The following ATG10 variants were observed in gnomAD, a reference collection of about 807,000 sequenced individuals.
ATG10 encodes the protein autophagy related 10.
Under a neutral mutation model 32.1 loss-of-function variants are expected in ATG10, and 30 were observed. That is an observed-to-expected ratio of 0.94 (90% CI 0.70 to 1.27). The LOEUF (loss-of-function observed/expected upper bound fraction) is 1.27. Ranked by LOEUF, ATG10 falls within the 50% of genes most tolerant of loss-of-function variation. The probability of loss-of-function intolerance (pLI) is 0.00; values close to 1 mark genes in which losing one functional copy is unlikely to be tolerated. For synonymous variants in ATG10, 87 were observed against 91.5 expected (o/e 0.95, Z 0.28); for missense variants, 233 against 262.3 (o/e 0.89, Z 0.77).
rs143386853 is a variant in ATG10 at position 81,995,156 on chromosome 5, A to C, written c.108+7478A>C. Among the ~76,000 whole-genome samples, 561 of 152,154 alleles carry C rather than the reference A, an allele frequency of 3.7e-3. 3 individuals are homozygous for C. Among genetic ancestry groups the C allele is most frequent in the African/African-American group, 0.013 (530 of 41,508 alleles). ...TGTGTGTGTGTGTGTTTTGAGACAG[A>C]GTCTCACTCTGTCACCTAGGCTGGA... On this transcript the variant is annotated intron_variant, in intron 2 of 7. Transcript: ENST00000282185.
intron 2 of ATG10, among the ~76,000 whole-genome samples, chr5:82,036,626 T>C (rs754780883): frequency 1.3e-5 from 2 of 152,178 alleles, no homozygotes; most frequent in Non-Finnish European, 2.9e-5. Context: ...AAATGCACTT[T>C]AGTTGATTTT....
At chr5:82,205,019 G>C (rs1338427943) in intron 5 of ATG10, among the ~76,000 whole-genome samples, 1 of 152,228 alleles carries the variant, frequency 6.6e-6, no homozygotes, top group African/African-American at 2.4e-5. Flanking sequence ...ACAGAAGACT[G>C]CCTGTGAAAG....
chr5:82,031,988 AGGGCT>A (rs1762754903), intron 2 of ATG10, among the ~76,000 whole-genome samples: 1 of 152,236 alleles, frequency 6.6e-6, no homozygotes, highest in African/African-American at 2.4e-5. Context: ...CTACGCTGGC[AGGGCT>A]GGGCCTGCCC....
intron 2 of ATG10, among the ~76,000 whole-genome samples, chr5:82,054,632 T>G (rs1181028694): frequency 1.3e-5 from 2 of 152,206 alleles, no homozygotes; most frequent in Admixed American, 6.5e-5. Flanking sequence ...TAGAAGTGCT[T>G]TAGTCCTTCA....
intron 3 of ATG10, among the ~76,000 whole-genome samples, chr5:82,152,211 T>G (rs1314565165): frequency 6.6e-6 from 1 of 152,246 alleles, no homozygotes; most frequent in African/African-American, 2.4e-5. Flanking sequence ...TGGTGCAGAT[T>G]AGGACAGGGT....
chr5:81,978,939 G>T (rs1453375451), intron 1 of ATG10, among the ~76,000 whole-genome samples: 1 of 151,760 alleles, frequency 6.6e-6, no homozygotes, highest in Admixed American at 6.6e-5. Flanking sequence ...TCGCTTTGTC[G>T]CCCAGGCTGG....
At chr5:82,068,983 C>T (rs939426096) in intron 3 of ATG10, among the ~76,000 whole-genome samples, 4 of 150,282 alleles carry the variant, frequency 2.7e-5, no homozygotes, top group Non-Finnish European at 5.9e-5. Context: ...TTACTTAGAA[C>T]ATATTACAGT....
intron 3 of ATG10, among the ~76,000 whole-genome samples, chr5:82,139,345 C>A (rs1024993743): frequency 1.3e-5 from 2 of 150,012 alleles, no homozygotes; most frequent in African/African-American, 4.9e-5. Flanking sequence ...GCTGCCCAGT[C>A]TGGAAAGTGA....
intron 3 of ATG10, among the ~76,000 whole-genome samples, chr5:82,081,242 C>A (rs1581669172): frequency 6.6e-6 from 1 of 152,346 alleles, no homozygotes; most frequent in East Asian, 1.9e-4. Context: ...TGCTTATCAG[C>A]TTAAGGAGAT....
chr5:82,253,389 C>T lies in ATG10; in HGVS notation c.627C>T (p.Ala209=). The change falls in exon 7 of 8, where the codon GCC becomes GCT. Residue 209 remains alanine (A), a synonymous_variant. Coordinates refer to ENST00000282185, the MANE Select transcript of ATG10 (RefSeq NM_031482.5). ...GGCTGAATCTACCTCTGAGTTATGC[C>T]AAAGCAACGTCTCAGGATGAACGAA... is the stretch of plus-strand genomic sequence containing the variant. ...VVGLNLPLSY[A]KATSQDERNV... is the part of the protein sequence containing the mutation. 2 of 1,610,372 alleles carry T rather than the reference C, an allele frequency of 1.2e-6. No individual in the cohort carries two copies. The highest frequency in any genetic ancestry group is 2.2e-5 in the East Asian group (1 of 44,832).
intron 2 of ATG10, among the ~76,000 whole-genome samples, chr5:82,027,024 A>G (rs1762611834): frequency 6.6e-6 from 1 of 151,938 alleles, no homozygotes; most frequent in South Asian, 2.1e-4. Flanking sequence ...ACACCACTGC[A>G]CTCTAGCCTG....
At chr5:82,208,510 G>A (rs72778504) in intron 5 of ATG10, among the ~76,000 whole-genome samples, 17,159 of 151,970 alleles carry the variant, frequency 0.11, 1,125 homozygotes, top group African/African-American at 0.19. Context: ...TAGAACTGGC[G>A]CGTCTTTTGT....
At chr5:82,024,672 T>C (rs946436601) in intron 2 of ATG10, among the ~76,000 whole-genome samples, 1 of 152,198 alleles carries the variant, frequency 6.6e-6, no homozygotes, top group African/African-American at 2.4e-5. Flanking sequence ...ACATTATGTA[T>C]TGAAGTTTGA....
At chr5:82,173,595 T>C (rs1743886285) in intron 4 of ATG10, among the ~76,000 whole-genome samples, 1 of 152,214 alleles carries the variant, frequency 6.6e-6, no homozygotes, top group Non-Finnish European at 1.5e-5. Context: ...CCATGCTCAC[T>C]ATGTAGGTTA....
chr5:82,242,519 G>T (rs1746844480), intron 5 of ATG10, among the ~76,000 whole-genome samples: 1 of 152,062 alleles, frequency 6.6e-6, no homozygotes, highest in South Asian at 2.1e-4. Context: ...GGTTCAGGAA[G>T]CTCATTGAAT....
chr5:82,139,600 G>C (rs564356439), intron 3 of ATG10, among the ~76,000 whole-genome samples: 2 of 146,262 alleles, frequency 1.4e-5, no homozygotes. Context: ...GAGCCTCTCC[G>C]CCCGGCAGCC....
chr5:82,100,124 TC>T (rs1362237845), intron 3 of ATG10, among the ~76,000 whole-genome samples: 4 of 149,780 alleles, frequency 2.7e-5, no homozygotes, highest in Non-Finnish European at 5.9e-5. Flanking sequence ...TTCTCCTGCT[TC>T]AGACTCCTGA....
intron 1 of ATG10, chr5:81,973,174 G>C (rs1226169410): frequency 6.6e-6 from 1 of 152,350 alleles, no homozygotes. Flanking sequence ...CTGTCGCCCA[G>C]GCTGGAGTGC....
At chr5:82,128,779 C>A (rs892729195) in intron 3 of ATG10, among the ~76,000 whole-genome samples, 1 of 149,544 alleles carries the variant, frequency 6.7e-6, no homozygotes, top group Admixed American at 6.6e-5. Flanking sequence ...TTCTCTCTGG[C>A]TGCCCTTAAC....
Sources: allele counts gnomAD v4.1 joint callset (sites outside exome capture counted in the v4.1 genomes callset), GRCh38; gene constraint gnomAD v4.1.1; transcripts MANE v1.5; gene names NCBI Gene and HGNC (gene_info 2026-07-23, HGNC 2026-07-21).